CLNS1A: variants seen among roughly 807,000 people sequenced by gnomAD.
The protein encoded by CLNS1A is methylosome subunit pICln.
CLNS1A carries 16 observed loss-of-function variants against 29.4 expected under a neutral mutation model. That is an observed-to-expected ratio of 0.54 (90% CI 0.37 to 0.83). The LOEUF (loss-of-function observed/expected upper bound fraction) is 0.83, where lower values mean the gene tolerates loss of function less well. CLNS1A is among the 40% of genes least tolerant of loss of function. The pLI, the probability that CLNS1A is intolerant of heterozygous loss-of-function variation, is 0.00. For synonymous variants in CLNS1A, 96 were observed against 104.8 expected, an observed-to-expected ratio of 0.92 and a Z score of 0.51; for missense variants, 235 against 287.4, an observed-to-expected ratio of 0.82 and a Z score of 1.32.
chr11:77,626,231 C>T (rs974770245), intron 2 of CLNS1A, among the ~76,000 whole-genome samples: 4 of 152,184 alleles, frequency 2.6e-5, no homozygotes, highest in Non-Finnish European at 5.9e-5. Context: ...GGACTACAGG[C>T]ACTTGCCACC....
At chr11:77,622,949 G>GAAAAAAAAAAAAAAA (rs35752186) in intron 4 of CLNS1A, among the ~76,000 whole-genome samples, 1 of 105,818 alleles carries the variant, frequency 9.5e-6, no homozygotes. Flanking sequence ...CCTTGTCTTG[G>GAAAAAAAAAAAAAAA]AAAAAAAAAA....
At chr11:77,636,161 C>T (rs1406851830) in intron 1 of CLNS1A, among the ~76,000 whole-genome samples, 2 of 152,112 alleles carry the variant, frequency 1.3e-5, no homozygotes, top group African/African-American at 2.4e-5. Flanking sequence ...GCCTCGACCT[C>T]CTGGGCTCAG....
rs748113333 is a variant in CLNS1A, at chr11:77,616,686, G to A, written c.*32C>T. ...GGCACCAAGTTCTCTCCTACACTTA[G>A]GAGCAGAATCTGAAAAACAAAAGGT... is the stretch of plus-strand genomic sequence containing the variant. On this transcript the variant is annotated 3_prime_UTR_variant, in exon 7 of 7. Transcript: ENST00000525428. The A allele has an allele frequency of 6.6e-6, 1 of 152,536 alleles. No individual in the cohort carries two copies. The highest frequency in any genetic ancestry group is 2.4e-5 in the African/African-American group (1 of 41,432). 9.4% of individuals were successfully genotyped at this position (152,536 alleles called of 1,614,324 possible).
In CLNS1A at chr11:77,617,301, G is replaced by A. The variant is rs376670968; in HGVS notation, c.*23-606C>T. Among the ~76,000 whole-genome samples the A allele has an allele frequency of 1.4e-3, 209 of 149,240 alleles. 1 individual carries two copies. The South Asian group carries it at 0.016, about 11-fold the overall frequency. ...GAGAATCACTTGAACCCGGGGGGGC[G>A]GAGGATTCGGTGAGCCGATTGCACC... is the stretch of plus-strand genomic sequence containing the variant. On this transcript the variant is annotated intron_variant, in intron 6 of 6. Coordinates refer to ENST00000525428, the MANE Select transcript of CLNS1A (RefSeq NM_001293.3).
In CLNS1A at chr11:77,629,847, T is replaced by C. The variant is rs1309337050; in HGVS notation, c.178A>G (p.Thr60Ala). 1 of 1,613,762 alleles carries C rather than the reference T, an allele frequency of 6.2e-7. No homozygotes were observed. Among genetic ancestry groups the C allele is most frequent in the Non-Finnish European group, 8.5e-7 (1 of 1,179,812 alleles). Residue 60 changes from threonine to alanine, a missense_variant, in exon 2 of 7, where the codon ACC (threonine) becomes GCC (alanine). Physicochemically the swap from Thr to Ala is moderately conservative, Grantham distance 58. Transcript: ENST00000525428. ...SGLGFSLEYP[T>A]ISLHALSRDR... Reference sequence around the variant, plus strand: ...CTGGATAATGCATGTAAACTAATGGTGGGGTATTCCAGTGAGAATCCTAAT... The same window carrying C: ...CTGGATAATGCATGTAAACTAATGGCGGGGTATTCCAGTGAGAATCCTAAT...
chr11:77,631,414 G>T (rs147793474), intron 1 of CLNS1A, among the ~76,000 whole-genome samples: 1 of 150,576 alleles, frequency 6.6e-6, no homozygotes, highest in Admixed American at 6.6e-5. Flanking sequence ...TCCGCCTCTC[G>T]GGTTCACGCC....
intron 1 of CLNS1A, 65 bp from the exon 2 acceptor site, chr11:77,629,964 T>C (rs1959058877): frequency 1.3e-6 from 2 of 1,500,788 alleles, no homozygotes; most frequent in South Asian, 1.2e-5. Flanking sequence ...CCACAAAGTA[T>C]ATAAAAGTTC....
At position 77,622,641 on chromosome 11, in the gene CLNS1A, T is replaced by A; in HGVS notation, c.505A>T (p.Thr169Ser). The change falls in exon 5 of 7, where the codon ACC (threonine) becomes TCC (serine). Residue 169 changes from threonine to serine, a missense_variant. Physicochemically the swap from Thr to Ser is moderately conservative, Grantham distance 58. Coordinates refer to ENST00000525428, the MANE Select transcript of CLNS1A (RefSeq NM_001293.3). ...AGATGGGATAATCCTTCTTCATAGG[T>A]GTAAAATGTAGGGATGTCCCCCTGT... is the stretch of plus-strand genomic sequence containing the variant. ...QGQGDIPTFY[T>S]YEEGLSHLTA... 1 of 1,610,794 alleles carries A rather than the reference T, an allele frequency of 6.2e-7. No individual in the cohort carries two copies. Among genetic ancestry groups the A allele is most frequent in the South Asian group, 1.1e-5 (1 of 90,298 alleles).
At chr11:77,628,797 C>T (rs1269392993) in intron 2 of CLNS1A, among the ~76,000 whole-genome samples, 1 of 152,178 alleles carries the variant, frequency 6.6e-6, no homozygotes, top group Non-Finnish European at 1.5e-5. Context: ...TTTTACAAGT[C>T]TTTGCAATTA....
At position 77,622,608 on chromosome 11, in the gene CLNS1A, C is replaced by T. The variant is rs1197750636; in HGVS notation, c.538G>A (p.Glu180Lys). ...AATCTCTCCAGTGTGGCTTGGCCTT[C>T]TGCTGTTAGATGGGATAATCCTTCT... Reference protein sequence around the residue: ...YEEGLSHLTAEGQATLERLEG... With the variant: ...YEEGLSHLTAKGQATLERLEG... The change falls in exon 5 of 7, where the codon GAA becomes AAA. Residue 180 changes from glutamate (E) to lysine (K), a missense_variant. Glu to Lys is a moderately conservative substitution (Grantham distance 56). Transcript: ENST00000525428. The T allele has an allele frequency of 1.9e-6, 3 of 1,613,664 alleles. No homozygotes were observed. The highest frequency in any genetic ancestry group is 2.2e-5 in the East Asian group (1 of 44,890).
chr11:77,635,893 C>T (rs1959119996), intron 1 of CLNS1A, among the ~76,000 whole-genome samples: 1 of 152,136 alleles, frequency 6.6e-6, no homozygotes, highest in Non-Finnish European at 1.5e-5. Flanking sequence ...ACTGCTCCTT[C>T]CTCCTTTCTC....
intron 1 of CLNS1A, among the ~76,000 whole-genome samples, chr11:77,634,788 A>G (rs1959107590): frequency 6.6e-6 from 1 of 152,022 alleles, no homozygotes; most frequent in Non-Finnish European, 1.5e-5. Flanking sequence ...GAAAAGCTGA[A>G]ACAAATAATG....
At chr11:77,624,905 T>C in intron 4 of CLNS1A, 58 bp downstream of exon 4, 2 of 1,073,750 alleles carry the variant, frequency 1.9e-6, no homozygotes, top group African/African-American at 1.6e-5. Flanking sequence ...TACAAATAAA[T>C]GCTTAAAATG....
chr11:77,635,010 G>C (rs1393549453), intron 1 of CLNS1A, among the ~76,000 whole-genome samples: 1 of 152,124 alleles, frequency 6.6e-6, no homozygotes, highest in Non-Finnish European at 1.5e-5. Context: ...TTGTCATGTT[G>C]TCCAGGCTGG....
chr11:77,628,106 G>C (rs1959039572), intron 2 of CLNS1A, among the ~76,000 whole-genome samples: 1 of 152,182 alleles, frequency 6.6e-6, no homozygotes, highest in Admixed American at 6.6e-5. Context: ...TTACAGGTTT[G>C]AGCCACTGTG....
In CLNS1A at chr11:77,617,498, G is replaced by A. The variant is rs192981122; in HGVS notation, c.*23-803C>T. Among the ~76,000 whole-genome samples, 556 of 149,544 alleles carry A rather than the reference G, an allele frequency of 3.7e-3. 3 individuals carry two copies. The highest frequency in any genetic ancestry group is 0.011 in the African/African-American group (427 of 40,528). On this transcript the variant is annotated intron_variant, in intron 6 of 6. Coordinates refer to ENST00000525428, the MANE Select transcript of CLNS1A (RefSeq NM_001293.3). ...CAGAGGTTGCAATGAACCAAGTTGC[G>A]CCACTGCACACCAGCCTAGGCAACA... is the stretch of plus-strand genomic sequence containing the variant.
chr11:77,625,249 T>A (rs569426404), intron 3 of CLNS1A, 179 bp from the exon 4 acceptor site: 1 of 583,380 alleles, frequency 1.7e-6, no homozygotes, highest in African/African-American at 1.9e-5. Flanking sequence ...GAGTTCATTA[T>A]GAGAGATCAT....
chr11:77,636,199 T>C (rs1382874945), intron 1 of CLNS1A, among the ~76,000 whole-genome samples: 2 of 151,966 alleles, frequency 1.3e-5, no homozygotes, highest in Non-Finnish European at 2.9e-5. Context: ...GTTTCCTGAG[T>C]AGCTAGGACT....
At chr11:77,623,549 A>G (rs532502475) in intron 4 of CLNS1A, among the ~76,000 whole-genome samples, 1 of 151,964 alleles carries the variant, frequency 6.6e-6, no homozygotes, top group Non-Finnish European at 1.5e-5. Flanking sequence ...GGAGAATGGT[A>G]CCACTGTATT....
Sources: gnomAD v4.1 joint callset for allele counts (sites outside exome capture counted in the v4.1 genomes callset) on GRCh38, gnomAD v4.1.1 for gene constraint, MANE v1.5 for transcripts, NCBI Gene and HGNC (gene_info 2026-07-23, HGNC 2026-07-21) for gene names.